Variants in DEPDC4 observed in about 807,000 individuals in gnomAD.
DEPDC4 encodes DEP domain containing 4.
In DEPDC4, 52 loss-of-function variants were observed where a neutral mutation model predicts 52.0. That is an observed-to-expected ratio of 1.00 (90% CI 0.80 to 1.26). The LOEUF (loss-of-function observed/expected upper bound fraction) is 1.26. DEPDC4 is among the 50% of genes most tolerant of loss of function. The pLI is 0.00. For synonymous variants in DEPDC4, 201 were observed against 196.8 expected (o/e 1.02, Z -0.18); for missense variants, 530 against 546.9 (o/e 0.97, Z 0.31).
At chr12:100,249,448 A>G (rs2096199149) in intron 7 of DEPDC4, among the ~76,000 whole-genome samples, 1 of 152,184 alleles carries the variant, frequency 6.6e-6, no homozygotes, top group East Asian at 1.9e-4. Flanking sequence ...CAGAAGTTCA[A>G]GACCAGTCTG....
intron 9 of DEPDC4, 157 bp from the exon 10 acceptor site, chr12:100,242,002 CT>C: frequency 4.1e-6 from 1 of 243,218 alleles, no homozygotes; most frequent in Non-Finnish European, 6.7e-6. Flanking sequence ...AGTGCTTTTA[CT>C]TTAGCAAAAC....
At chr12:100,252,926 CT>C (rs1196515228) in intron 5 of DEPDC4, among the ~76,000 whole-genome samples, 1 of 152,138 alleles carries the variant, frequency 6.6e-6, no homozygotes, top group Non-Finnish European at 1.5e-5. Context: ...ATGTTTCTTT[CT>C]TTTTATTTTG....
chr12:100,241,554 A>G lies in DEPDC4; in HGVS notation c.*338T>C, dbSNP rs2096158835. On this transcript the variant is annotated 3_prime_UTR_variant, in exon 10 of 10. Coordinates refer to ENST00000550587, the MANE Select transcript of DEPDC4 (RefSeq NM_001364818.2). ...TCTCTACAAAATAAAAATAAAAAAT[A>G]AAACACTTAAAATCCTTTGAGATTA... The G allele has an allele frequency of 2.9e-6, 2 of 678,006 alleles. No homozygotes were observed. The highest frequency in any genetic ancestry group is 2.0e-4 in the East Asian group (2 of 10,184). The allele number at this position is 678,006 out of a possible 1,614,324, so 42.0% of individuals were successfully genotyped here.
downstream of DEPDC4, among the ~76,000 whole-genome samples, chr12:100,238,639 C>T (rs1160687871): frequency 6.6e-6 from 1 of 151,510 alleles, no homozygotes; most frequent in Non-Finnish European, 1.5e-5. Flanking sequence ...GCACCCACCA[C>T]TGTACCTGGC....
In DEPDC4 at chr12:100,252,214, C is replaced by G; in HGVS notation, c.1336G>C (p.Val446Leu). 1.5e-6 allele frequency: 2 copies of G among 1,294,592 alleles called. No homozygotes were observed. Among genetic ancestry groups the G allele is most frequent in the Non-Finnish European group, 2.0e-6 (2 of 1,012,420 alleles). The allele number at this position is 1,294,592 out of a possible 1,614,324, so 80.2% of individuals were successfully genotyped here. ...GAGTGGTACTCCAGTGGAAACCAGA[C>G]CAGTTGTTCTGCCCGCACTTTTAAT... ...SLLKVRAEQLVWFPLEYHSEL... is the reference protein window; with the variant it reads ...SLLKVRAEQLLWFPLEYHSEL... Residue 446 changes from valine to leucine, a missense_variant, in exon 7 of 10, where the codon GTC (valine) becomes CTC (leucine). Physicochemically the swap from Val to Leu is conservative, Grantham distance 32. Coordinates refer to ENST00000550587, the MANE Select transcript of DEPDC4 (RefSeq NM_001364818.2).
At chr12:100,262,440 T>C (rs1366426552) in intron 2 of DEPDC4, 31 bp from the exon 3 acceptor site, 4 of 1,529,864 alleles carry the variant, frequency 2.6e-6, no homozygotes, top group Non-Finnish European at 3.5e-6. Flanking sequence ...GCTCTTTTCA[T>C]TATACACAGA....
Position 100,253,606 on chromosome 12 carries a change from A to G in DEPDC4, c.988T>C (p.Leu330=), listed in dbSNP as rs758364973. Residue 330 remains leucine, a synonymous_variant, in exon 5 of 10, where the codon TTG becomes CTG. Coordinates refer to ENST00000550587, the MANE Select transcript of DEPDC4 (RefSeq NM_001364818.2). ...AAGAGTATCTTCTTCTGACTGTTCA[A>G]TCTTGTCTCTTCATTTCTGTTTTGC... The part of the protein sequence containing the change: ...LMQNRNEETR[L]NSQKKILFDV... The G allele has an allele frequency of 7.4e-5, 95 of 1,289,350 alleles. 1 individual carries two copies. The South Asian group carries it at 1.1e-3, about 16-fold the overall frequency. 79.9% of individuals were successfully genotyped at this position (1,289,350 alleles called of 1,614,324 possible).
chr12:100,254,451 G>A (rs1331461132), intron 4 of DEPDC4, among the ~76,000 whole-genome samples: 4 of 149,550 alleles, frequency 2.7e-5, no homozygotes, highest in Admixed American at 2.0e-4. Context: ...TCAGTCTCCC[G>A]AGTAGCCAGG....
At chr12:100,238,082 G>T (rs926846625), downstream of DEPDC4, 7 of 982,446 alleles carry the variant, frequency 7.1e-6, no homozygotes, top group Non-Finnish European at 8.5e-6. Context: ...TACCCTCTCA[G>T]GTCTTCCACT....
chr12:100,263,364 G>C (rs966366203), intron 2 of DEPDC4, 133 bp downstream of exon 2: 1 of 693,742 alleles, frequency 1.4e-6, no homozygotes, highest in African/African-American at 1.8e-5. Context: ...AAATGCATAA[G>C]TGGATTAATT....
upstream of DEPDC4, among the ~76,000 whole-genome samples, chr12:100,270,223 G>A (rs1173982428): frequency 7.9e-5 from 12 of 152,070 alleles, no homozygotes; most frequent in African/African-American, 2.9e-4. Context: ...CCTGACCCTC[G>A]TGATCCACCC....
intron 4 of DEPDC4, 130 bp from the exon 5 acceptor site, chr12:100,253,845 G>T: frequency 2.3e-6 from 1 of 426,490 alleles, no homozygotes; most frequent in African/African-American, 2.1e-5. Flanking sequence ...ATTATTTTTT[G>T]GGAGAAGCAT....
chr12:100,262,558 C>T (rs2096257489), intron 2 of DEPDC4, 149 bp from the exon 3 acceptor site: 1 of 526,322 alleles, frequency 1.9e-6, no homozygotes. Flanking sequence ...GCAAATAATT[C>T]ATTTAATAGA....
intron 8 of DEPDC4, among the ~76,000 whole-genome samples, chr12:100,243,894 A>T (rs565692598): frequency 6.6e-6 from 1 of 151,766 alleles, no homozygotes; most frequent in Non-Finnish European, 1.5e-5. Context: ...ATCTTCCAAT[A>T]CATGGAACCC....
At chr12:100,251,543 G>A (rs1592884532) in intron 7 of DEPDC4, among the ~76,000 whole-genome samples, 2 of 151,656 alleles carry the variant, frequency 1.3e-5, no homozygotes, top group East Asian at 3.9e-4. Flanking sequence ...CAGTAGCTGG[G>A]ACCACAGGTG....
At chr12:100,266,821 G>A in intron 1 of DEPDC4, 99 bp downstream of exon 1, 1 of 1,432,534 alleles carries the variant, frequency 7.0e-7, no homozygotes, top group Non-Finnish European at 9.4e-7. Context: ...GGAAATGGGC[G>A]GGGCCCTGGA....
chr12:100,233,436 C>T (rs2096137210), intron 9 of DEPDC4, among the ~76,000 whole-genome samples: 1 of 152,198 alleles, frequency 6.6e-6, no homozygotes, highest in Non-Finnish European at 1.5e-5. Context: ...TACTGCTTCT[C>T]TTTCAGATGC....
upstream of DEPDC4, among the ~76,000 whole-genome samples, chr12:100,270,368 T>C (rs1288275135): frequency 4.6e-5 from 7 of 152,180 alleles, no homozygotes; most frequent in African/African-American, 1.7e-4. Context: ...TACTCAGTTA[T>C]TCCTTGTCCC....
At chr12:100,245,371 A>AT (rs2096180765) in intron 8 of DEPDC4, among the ~76,000 whole-genome samples, 1 of 152,124 alleles carries the variant, frequency 6.6e-6, no homozygotes, top group African/African-American at 2.4e-5. Flanking sequence ...GGTTCAAGCA[A>AT]TTCTCATGCC....
Sources: gnomAD v4.1 joint callset for allele counts (sites outside exome capture counted in the v4.1 genomes callset) on GRCh38, gnomAD v4.1.1 for gene constraint, MANE v1.5 for transcripts, NCBI Gene and HGNC (gene_info 2026-07-23, HGNC 2026-07-21) for gene names.